FLNB: variants seen among roughly 807,000 people sequenced by gnomAD.
FLNB encodes filamin-B.
A neutral mutation model predicts 250.6 loss-of-function variants in FLNB; 111 were observed. The ratio of observed to expected loss-of-function variants is 0.44; its 90% confidence interval spans 0.38 to 0.52. The LOEUF is 0.52. Among genes scored for constraint, FLNB ranks in the 20% least tolerant of loss-of-function variants. The pLI is 0.00. For synonymous variants in FLNB, 1,302 were observed against 1,372.1 expected (o/e 0.95, Z 1.13); for missense variants, 2,869 against 3,447.8 (o/e 0.83, Z 4.20).
rs760823646 is a variant in FLNB, at chr3:58,112,222, G to C, written c.2649G>C (p.Gln883His). 5 of 1,614,142 alleles carry C rather than the reference G, an allele frequency of 3.1e-6. No individual in the cohort carries two copies. The highest frequency in any genetic ancestry group is 2.2e-5 in the South Asian group (2 of 91,084). The stretch of plus-strand genomic sequence containing the variant: ...CTGGGAAAGCCCCGCTCAACGTGCA[G>C]TTCAACAGCCCTCTTCCTGGCGATG... Reference protein sequence around the residue: ...KGAGKAPLNVQFNSPLPGDAV... With the variant: ...KGAGKAPLNVHFNSPLPGDAV... Residue 883 changes from glutamine (Q) to histidine (H), a missense_variant, in exon 18 of 46, where the codon CAG becomes CAC. Coordinates refer to ENST00000295956, the MANE Select transcript of FLNB (RefSeq NM_001457.4).
chr3:58,162,915 G>T (rs2097364076), intron 42 of FLNB: 6 of 539,090 alleles, frequency 1.1e-5, no homozygotes, highest in South Asian at 8.4e-5. Flanking sequence ...TGAGGCAGGG[G>T]TCAGAGTCTT....
At position 58,150,101 on chromosome 3, in the gene FLNB, G is replaced by A. The variant is rs546082587; in HGVS notation, c.6245-4G>A. 2.5e-6 allele frequency: 4 copies of A among 1,614,262 alleles called. No homozygotes were observed. The highest frequency in any genetic ancestry group is 2.2e-5 in the South Asian group (2 of 91,090). On this transcript the variant is annotated splice_region_variant and splice_polypyrimidine_tract_variant and intron_variant, in intron 37 of 45. Transcript: ENST00000295956. Reference sequence around the variant, plus strand: ...GCTCACAGGAGCCTTCTTGGGTCTTGCAGGGAGCCCATTTACCGTGAAGAT... The same window carrying A: ...GCTCACAGGAGCCTTCTTGGGTCTTACAGGGAGCCCATTTACCGTGAAGAT...
At chr3:58,110,689 G>T (rs1008988970) in intron 16 of FLNB, among the ~76,000 whole-genome samples, 2 of 152,040 alleles carry the variant, frequency 1.3e-5, no homozygotes, top group Non-Finnish European at 2.9e-5. Context: ...CAGATGATAC[G>T]CCTGCCTTGG....
chr3:58,079,627 A>G (rs898475681), intron 3 of FLNB, among the ~76,000 whole-genome samples: 4 of 152,266 alleles, frequency 2.6e-5, no homozygotes, highest in Non-Finnish European at 5.9e-5. Context: ...TCTATCACCC[A>G]TAATCCTATC....
chr3:58,149,000 C>A, intron 36 of FLNB, 148 bp downstream of exon 36: 1 of 759,776 alleles, frequency 1.3e-6, no homozygotes, highest in South Asian at 1.5e-5. Flanking sequence ...GTCTTTTATG[C>A]CTCATGACCA....
chr3:58,058,845 G>T (rs1168163687), intron 1 of FLNB, among the ~76,000 whole-genome samples: 2 of 152,142 alleles, frequency 1.3e-5, no homozygotes, highest in African/African-American at 4.8e-5. Context: ...ACTCCTGCCA[G>T]TTTTATAGAA....
At chr3:58,051,950 G>C (rs780974923) in intron 1 of FLNB, among the ~76,000 whole-genome samples, 2 of 152,064 alleles carry the variant, frequency 1.3e-5, no homozygotes, top group Non-Finnish European at 2.9e-5. Context: ...GTAATGGCAC[G>C]ATCTCGGCTC....
chr3:58,160,733 C>T (rs1010158008), intron 42 of FLNB, among the ~76,000 whole-genome samples: 1 of 152,070 alleles, frequency 6.6e-6, no homozygotes, highest in Non-Finnish European at 1.5e-5. Flanking sequence ...GTGGCTCACA[C>T]CTGTAATCTC....
At position 58,169,927 on chromosome 3, in the gene FLNB, G is replaced by A. The variant is rs1246158008; in HGVS notation, c.7621+134G>A. 10 of 639,722 alleles carry A rather than the reference G, an allele frequency of 1.6e-5. No homozygotes were observed. The highest frequency in any genetic ancestry group is 8.5e-5 in the Admixed American group (3 of 35,494). The allele number at this position is 639,722 out of a possible 1,614,324, so 39.6% of individuals were successfully genotyped here. ...GGCCAGCCGTTTGCAAGTAACCATC[G>A]TCATGACCCTGTTCTCCTGCACTTA... On this transcript the variant is annotated intron_variant, in intron 45 of 45. Coordinates refer to ENST00000295956, the MANE Select transcript of FLNB (RefSeq NM_001457.4). The surrounding 1 kb of genome is among the most constrained non-coding windows in gnomAD (Gnocchi z 4.8).
At chr3:58,139,480 C>G (rs2107237636) in intron 29 of FLNB, among the ~76,000 whole-genome samples, 1 of 152,298 alleles carries the variant, frequency 6.6e-6, no homozygotes, top group East Asian at 1.9e-4. Flanking sequence ...CATGAAGACT[C>G]CATTCCAAAC....
At chr3:58,080,791 C>CT (rs10628113) in intron 3 of FLNB, among the ~76,000 whole-genome samples, 2,089 of 136,906 alleles carry the variant, frequency 0.015, 51 homozygotes, top group African/African-American at 0.046. Context: ...TGCGTCTGGC[C>CT]TTTTTTTTTT....
chr3:58,062,451 C>A (rs950010779), intron 1 of FLNB, among the ~76,000 whole-genome samples: 3 of 152,150 alleles, frequency 2.0e-5, no homozygotes, highest in Non-Finnish European at 4.4e-5. Flanking sequence ...CTCCCTCCCT[C>A]CCCCCACCAG....
intron 38 of FLNB, chr3:58,151,452 T>C (rs1455484914): frequency 3.3e-5 from 5 of 149,756 alleles, no homozygotes; most frequent in Non-Finnish European, 5.9e-5. Context: ...AAACAGTTCG[T>C]GTGCCTCAAG....
rs1271579969 is a variant in FLNB at position 58,077,303 on chromosome 3, C to T, written c.541+9C>T. On this transcript the variant is annotated intron_variant, in intron 2 of 45. Coordinates refer to ENST00000295956, the MANE Select transcript of FLNB (RefSeq NM_001457.4). Reference sequence around the variant, plus strand: ...AGACAGCTGTGCTCCAGGTAAGTGGCCAGGGCTGCCTAAACCATCTGTCCA... The same window carrying T: ...AGACAGCTGTGCTCCAGGTAAGTGGTCAGGGCTGCCTAAACCATCTGTCCA... 1 of 1,613,520 alleles carries T rather than the reference C, an allele frequency of 6.2e-7. No individual in the cohort carries two copies.
chr3:58,138,035 C>G (rs2097319547), intron 28 of FLNB, among the ~76,000 whole-genome samples: 1 of 152,194 alleles, frequency 6.6e-6, no homozygotes. Context: ...CCTTTAAATG[C>G]TGGCAAACCC....
chr3:58,160,812 C>T (rs972951257), intron 42 of FLNB, among the ~76,000 whole-genome samples: 1 of 151,154 alleles, frequency 6.6e-6, no homozygotes, highest in Non-Finnish European at 1.5e-5. Context: ...GAGACCCCTT[C>T]TCTACAAAAA....
chr3:58,063,916 A>G (rs2106893426), intron 1 of FLNB, among the ~76,000 whole-genome samples: 1 of 152,144 alleles, frequency 6.6e-6, no homozygotes, highest in East Asian at 1.9e-4. Flanking sequence ...TAAAAGGGGA[A>G]AAAACTCCCA....
intron 32 of FLNB, 98 bp downstream of exon 32, chr3:58,143,711 G>A: frequency 6.8e-7 from 1 of 1,480,422 alleles, no homozygotes; most frequent in Non-Finnish European, 9.3e-7. Flanking sequence ...GCAGCTCTCG[G>A]CAGCAGGCTG....
chr3:58,166,943 T>G (rs2097371694), intron 43 of FLNB, among the ~76,000 whole-genome samples: 1 of 152,072 alleles, frequency 6.6e-6, no homozygotes, highest in Non-Finnish European at 1.5e-5. Context: ...CTGGCCAACA[T>G]GGTGAGACCC....
Sources: allele counts gnomAD v4.1 joint callset (sites outside exome capture counted in the v4.1 genomes callset), GRCh38; gene constraint gnomAD v4.1.1; non-coding constraint Gnocchi (gnomAD v3.1); transcripts MANE v1.5; gene names NCBI Gene and HGNC (gene_info 2026-07-23, HGNC 2026-07-21).